The following KCNIP3 variants were observed in gnomAD, a reference collection of about 807,000 sequenced individuals.
KCNIP3 encodes potassium voltage-gated channel interacting protein 3.
Under a neutral mutation model 35.0 loss-of-function variants are expected in KCNIP3, and 28 were observed. That is an observed-to-expected ratio of 0.80 (90% CI 0.59 to 1.10). The LOEUF (loss-of-function observed/expected upper bound fraction) is 1.10, where lower values mean the gene tolerates loss of function less well. Among genes scored for constraint, KCNIP3 ranks in the 50% least tolerant of loss-of-function variants. KCNIP3 has a pLI of 0.00. For synonymous variants in KCNIP3, 134 were observed against 133.8 expected (o/e 1.00, Z -0.01); for missense variants, 295 against 338.4 (o/e 0.87, Z 1.01).
intron 2 of KCNIP3, among the ~76,000 whole-genome samples, chr2:95,327,327 G>A (rs1047260633): frequency 3.9e-5 from 6 of 152,102 alleles, no homozygotes; most frequent in African/African-American, 1.4e-4. Flanking sequence ...AGTGGCTGAG[G>A]CCACCCTACC....
At chr2:95,372,230 TCCAC>T (rs1680057977) in intron 2 of KCNIP3, among the ~76,000 whole-genome samples, 1 of 151,548 alleles carries the variant, frequency 6.6e-6, no homozygotes, top group Non-Finnish European at 1.5e-5. Flanking sequence ...CATCCATCCA[TCCAC>T]GCTGCTGTGT....
At chr2:95,375,825 C>T (rs1223727438) in intron 5 of KCNIP3, among the ~76,000 whole-genome samples, 2 of 152,182 alleles carry the variant, frequency 1.3e-5, no homozygotes, top group East Asian at 3.9e-4. Context: ...GAGCCCAAGC[C>T]TCTAAAAATA....
intron 2 of KCNIP3, among the ~76,000 whole-genome samples, chr2:95,353,025 A>G (rs998877333): frequency 5.9e-5 from 9 of 152,348 alleles, no homozygotes; most frequent in South Asian, 2.1e-4. Context: ...CCCAATGCCT[A>G]TAGTCCCACC....
intron 1 of KCNIP3, among the ~76,000 whole-genome samples, chr2:95,301,138 G>A (rs1678016882): frequency 1.3e-5 from 2 of 152,194 alleles, no homozygotes; most frequent in African/African-American, 4.8e-5. Flanking sequence ...GAACCAAACT[G>A]TAGCCCCACC....
intron 2 of KCNIP3, among the ~76,000 whole-genome samples, chr2:95,319,466 C>G (rs1238395500): frequency 6.6e-6 from 1 of 152,216 alleles, no homozygotes; most frequent in Non-Finnish European, 1.5e-5. Context: ...GGCCGCTTCT[C>G]TGTGAGGTGA....
intron 2 of KCNIP3, among the ~76,000 whole-genome samples, chr2:95,326,997 C>A (rs987133519): frequency 1.1e-4 from 16 of 152,222 alleles, no homozygotes; most frequent in Admixed American, 3.3e-4. Flanking sequence ...TCCCTCTTAT[C>A]ACCACAGTGC....
chr2:95,300,943 T>G (rs1030502086), intron 1 of KCNIP3, among the ~76,000 whole-genome samples: 2 of 152,058 alleles, frequency 1.3e-5, no homozygotes, highest in Non-Finnish European at 2.9e-5. Context: ...TGGCCTCACC[T>G]CCCAGCCTGC....
Position 95,383,994 on chromosome 2 carries a change from C to T in KCNIP3, c.724-8C>T, listed in dbSNP as rs749769097. On this transcript the variant is annotated splice_region_variant and splice_polypyrimidine_tract_variant and intron_variant, in intron 8 of 8. Coordinates refer to ENST00000295225, the MANE Select transcript of KCNIP3 (RefSeq NM_013434.5). Reference sequence around the variant, plus strand: ...CACCTGAAGGCCTCCCTTCCTCTCTCCATGCAGGATGAGAACATCATGAGC... The same window carrying T: ...CACCTGAAGGCCTCCCTTCCTCTCTTCATGCAGGATGAGAACATCATGAGC... The T allele has an allele frequency of 6.2e-7, 1 of 1,613,698 alleles. No homozygotes were observed. Among genetic ancestry groups the T allele is most frequent in the East Asian group, 2.2e-5 (1 of 44,876 alleles).
chr2:95,306,428 C>T (rs1208971245), intron 1 of KCNIP3, among the ~76,000 whole-genome samples: 1 of 152,182 alleles, frequency 6.6e-6, no homozygotes, highest in African/African-American at 2.4e-5. Flanking sequence ...GGATCAGGTT[C>T]CACTCTCGCA....
intron 2 of KCNIP3, chr2:95,347,117 T>C (rs1322983376): frequency 1.9e-6 from 3 of 1,609,976 alleles, no homozygotes; most frequent in Non-Finnish European, 2.5e-6. Flanking sequence ...CCCATATCCA[T>C]GGAAGGTAAC....
At chr2:95,330,956 G>C (rs1245604384) in intron 2 of KCNIP3, among the ~76,000 whole-genome samples, 1 of 152,232 alleles carries the variant, frequency 6.6e-6, no homozygotes, top group Non-Finnish European at 1.5e-5. Flanking sequence ...GAAGAAGGGA[G>C]GGGTGCCTAG....
intron 1 of KCNIP3, among the ~76,000 whole-genome samples, chr2:95,308,392 G>C (rs1158427610): frequency 1.3e-5 from 2 of 152,208 alleles, no homozygotes; most frequent in African/African-American, 2.4e-5. Context: ...TTGGGACCTA[G>C]CTGGGGAAGG....
At chr2:95,350,951 G>A (rs1040955696) in intron 2 of KCNIP3, among the ~76,000 whole-genome samples, 6 of 152,216 alleles carry the variant, frequency 3.9e-5, no homozygotes, top group African/African-American at 1.2e-4. Flanking sequence ...GCAGTGTTCA[G>A]TGTCATCAGG....
At chr2:95,331,110 G>T (rs536907273) in intron 2 of KCNIP3, among the ~76,000 whole-genome samples, 1 of 152,260 alleles carries the variant, frequency 6.6e-6, no homozygotes, top group South Asian at 2.1e-4. Flanking sequence ...CCCTCCTGCT[G>T]ATGAGGGGTG....
intron 2 of KCNIP3, chr2:95,347,248 C>A: frequency 1.3e-6 from 1 of 784,560 alleles, no homozygotes; most frequent in Non-Finnish European, 2.0e-6. Context: ...CCGCCCCCTC[C>A]CGGCTCCGGA....
chr2:95,374,861 G>T lies in KCNIP3; in HGVS notation c.320G>T (p.Gly107Val), dbSNP rs749348837. The T allele has an allele frequency of 6.2e-7, 1 of 1,613,850 alleles. No individual in the cohort carries two copies. Among genetic ancestry groups the T allele is most frequent in the Non-Finnish European group, 8.5e-7 (1 of 1,179,988 alleles). The change falls in exon 4 of 9, where the codon GGC (glycine) becomes GTC (valine). Residue 107 changes from glycine to valine, a missense_variant. By Grantham distance (109) the Gly-to-Val change is moderately radical. Coordinates refer to ENST00000295225, the MANE Select transcript of KCNIP3 (RefSeq NM_013434.5). Reference sequence around the variant, plus strand: ...TTCCTGCTGCAGGAGTGTCCCACGGGCCTGGTGGACGAAGACACCTTCAAA... The same window carrying T: ...TTCCTGCTGCAGGAGTGTCCCACGGTCCTGGTGGACGAAGACACCTTCAAA... Reference protein sequence around the residue: ...YRGFKNECPTGLVDEDTFKLI... With the variant: ...YRGFKNECPTVLVDEDTFKLI...
chr2:95,371,813 T>C (rs887933961), intron 2 of KCNIP3, among the ~76,000 whole-genome samples: 3 of 151,080 alleles, frequency 2.0e-5, no homozygotes, highest in African/African-American at 7.3e-5. Flanking sequence ...AATCTTTTTT[T>C]TTTTTTTTTG....
At chr2:95,333,859 G>A (rs533512372) in intron 2 of KCNIP3, among the ~76,000 whole-genome samples, 1 of 152,180 alleles carries the variant, frequency 6.6e-6, no homozygotes, top group Non-Finnish European at 1.5e-5. Flanking sequence ...CACCCTGGCT[G>A]CTCCCCTGCT....
At chr2:95,307,946 A>G (rs1364861769) in intron 1 of KCNIP3, among the ~76,000 whole-genome samples, 2 of 152,244 alleles carry the variant, frequency 1.3e-5, no homozygotes, top group Admixed American at 6.5e-5. Context: ...GAATAAGATC[A>G]TGAATAATGG....
Sources: allele counts gnomAD v4.1 joint callset (sites outside exome capture counted in the v4.1 genomes callset), GRCh38; gene constraint gnomAD v4.1.1; transcripts MANE v1.5; gene names NCBI Gene and HGNC (gene_info 2026-07-23, HGNC 2026-07-21).